The following STK31 variants were observed in gnomAD, a reference collection of about 807,000 sequenced individuals.
STK31 encodes the protein serine/threonine-protein kinase 31.
In STK31, 89 loss-of-function variants were observed where a neutral mutation model predicts 129.7. The observed-to-expected ratio is 0.69, with a 90% CI of 0.58 to 0.82. The LOEUF is 0.82. STK31 is among the 40% of genes least tolerant of loss of function. The probability of loss-of-function intolerance (pLI) is 0.00; values close to 1 mark genes in which losing one functional copy is unlikely to be tolerated. For missense variants in STK31, 1,187 were observed against 1,176.4 expected (o/e 1.01, Z -0.13); for synonymous variants, 448 against 395.3 (o/e 1.13, Z -1.58).
chr7:23,779,275 G>A (rs113086752), intron 15 of STK31, among the ~76,000 whole-genome samples: 17 of 152,250 alleles, frequency 1.1e-4, no homozygotes, highest in African/African-American at 2.6e-4. Context: ...GGTGTCTGTC[G>A]TCCCCTGCTG....
At chr7:23,718,938 T>G (rs1786517502) in intron 4 of STK31, among the ~76,000 whole-genome samples, 1 of 152,110 alleles carries the variant, frequency 6.6e-6, no homozygotes, top group Admixed American at 6.5e-5. Flanking sequence ...GCAAAAGTGT[T>G]GAACCAATTT....
chr7:23,715,266 T>C (rs1786233884), intron 3 of STK31, among the ~76,000 whole-genome samples: 1 of 152,012 alleles, frequency 6.6e-6, no homozygotes, highest in Non-Finnish European at 1.5e-5. Flanking sequence ...ACACTTCAGA[T>C]TGGATGAGTG....
At chr7:23,729,392 A>G (rs1225703352) in intron 6 of STK31, 143 bp downstream of exon 6, 1 of 714,744 alleles carries the variant, frequency 1.4e-6, no homozygotes, top group Admixed American at 3.6e-5. Context: ...GAAAGCAATT[A>G]TATATTTATG....
intron 7 of STK31, among the ~76,000 whole-genome samples, chr7:23,736,637 T>C (rs1787736097): frequency 6.6e-6 from 1 of 152,150 alleles, no homozygotes; most frequent in Admixed American, 6.6e-5. Context: ...AAATGCTTTT[T>C]ACTTTGTTCT....
At chr7:23,819,411 A>G (rs1202613919) in intron 23 of STK31, among the ~76,000 whole-genome samples, 2 of 110,756 alleles carry the variant, frequency 1.8e-5, no homozygotes, top group African/African-American at 3.5e-5. Flanking sequence ...TAAACAGATG[A>G]TTTCTTTCCT....
At chr7:23,814,342 T>C (rs1431962607) in intron 22 of STK31, among the ~76,000 whole-genome samples, 5 of 151,980 alleles carry the variant, frequency 3.3e-5, no homozygotes, top group African/African-American at 4.8e-5. Context: ...CCAAAAGCCC[T>C]TTTGCTCATT....
chr7:23,717,097 CTTTTTTTTTTTTTTTT>C (rs70956911), intron 3 of STK31, among the ~76,000 whole-genome samples: 4 of 42,936 alleles, frequency 9.3e-5, no homozygotes, highest in African/African-American at 3.1e-4. Context: ...TCGCAACCTG[CTTTTTTTTTTTTTTTT>C]TTTTTTTTTT....
intron 22 of STK31, among the ~76,000 whole-genome samples, chr7:23,814,182 A>G (rs1793332011): frequency 1.2e-5 from 1 of 82,674 alleles, no homozygotes; most frequent in Non-Finnish European, 2.2e-5. Context: ...GAGGGTTATA[A>G]GACAACCTGT....
At chr7:23,787,573 A>C (rs987650904) in intron 20 of STK31, among the ~76,000 whole-genome samples, 3 of 152,016 alleles carry the variant, frequency 2.0e-5, no homozygotes, top group African/African-American at 7.3e-5. Context: ...TAGGAGCATA[A>C]ACTCTATTGT....
chr7:23,742,466 C>A (rs1258729749), intron 8 of STK31, among the ~76,000 whole-genome samples: 1 of 152,188 alleles, frequency 6.6e-6, no homozygotes, highest in African/African-American at 2.4e-5. Flanking sequence ...ACTTGGGTGC[C>A]TGTGGGATTC....
rs778657388 is a variant in STK31 at position 23,832,497 on chromosome 7, T to C, written c.*131T>C. The C allele has an allele frequency of 1.0e-5, 7 of 687,128 alleles. No individual in the cohort carries two copies. The highest frequency in any genetic ancestry group is 1.7e-5 in the Non-Finnish European group (7 of 408,802). 42.6% of individuals were successfully genotyped at this position (687,128 alleles called of 1,614,324 possible). On this transcript the variant is annotated 3_prime_UTR_variant, in exon 24 of 24. Transcript: ENST00000355870. ...ATTCAGGTTGTGAAAAATAAAGATGTTTGGCTATGCACAAAATAGTTTGTA... is the reference window on the plus strand; with the variant it reads ...ATTCAGGTTGTGAAAAATAAAGATGCTTGGCTATGCACAAAATAGTTTGTA...
intron 8 of STK31, among the ~76,000 whole-genome samples, chr7:23,744,847 T>G (rs919570181): frequency 4.6e-5 from 7 of 152,064 alleles, no homozygotes; most frequent in African/African-American, 1.7e-4. Context: ...CCAGGCCAAG[T>G]ATGCTTGTCC....
At chr7:23,779,919 C>G (rs1399171593) in intron 15 of STK31, among the ~76,000 whole-genome samples, 1 of 152,140 alleles carries the variant, frequency 6.6e-6, no homozygotes, top group Non-Finnish European at 1.5e-5. Context: ...CGGTGTCTGC[C>G]CAAACGTCTG....
In STK31 at chr7:23,754,494, C is replaced by T. The variant is rs766873686; in HGVS notation, c.1293+20C>T. The T allele has an allele frequency of 1.3e-6, 2 of 1,598,682 alleles. No individual in the cohort carries two copies. Among genetic ancestry groups the T allele is most frequent in the South Asian group, 1.1e-5 (1 of 87,426 alleles). ...TATGTGGTGAGTTGGGAATTTTTCT[C>T]TATTGTGGTTTTTATCTGTTGAACA... is the stretch of plus-strand genomic sequence containing the variant. On this transcript the variant is annotated intron_variant, in intron 10 of 23. Transcript: ENST00000355870.
chr7:23,771,185 A>G (rs528531772), intron 14 of STK31, 61 bp downstream of exon 14: 1 of 1,449,426 alleles, frequency 6.9e-7, no homozygotes, highest in African/African-American at 1.5e-5. Context: ...TTCAGTACTT[A>G]AATTTTTCTA....
In STK31 at chr7:23,737,038, C is replaced by T. The variant is rs749898573; in HGVS notation, c.977C>T (p.Ala326Val). The T allele has an allele frequency of 8.1e-6, 13 of 1,610,724 alleles. No individual in the cohort carries two copies. The highest frequency in any genetic ancestry group is 5.3e-5 in the African/African-American group (4 of 74,832). Residue 326 changes from alanine to valine, a missense_variant, in exon 8 of 24, where the codon GCG (alanine) becomes GTG (valine). Transcript: ENST00000355870. ...GACGCTCTTCTTGAAAGTTATAAGG[C>T]GTTAGAATTGAAAGTAGAGCAGATT... ...EKDALLESYK[A>V]LELKVEQIAQ...
At chr7:23,761,579 C>T (rs1379758948) in intron 10 of STK31, among the ~76,000 whole-genome samples, 1 of 151,918 alleles carries the variant, frequency 6.6e-6, no homozygotes, top group Non-Finnish European at 1.5e-5. Context: ...TGCCACTCTG[C>T]CCAGCTAATT....
intron 15 of STK31, among the ~76,000 whole-genome samples, chr7:23,773,056 T>C (rs1343887405): frequency 1.3e-5 from 2 of 152,162 alleles, no homozygotes; most frequent in African/African-American, 4.8e-5. Flanking sequence ...AATCTGACTT[T>C]TGTTATACTT....
intron 22 of STK31, among the ~76,000 whole-genome samples, chr7:23,800,371 C>T (rs1220631054): frequency 6.6e-6 from 1 of 152,098 alleles, no homozygotes; most frequent in Non-Finnish European, 1.5e-5. Flanking sequence ...GAAAATGTGG[C>T]ACATATACAC....
Sources: gnomAD v4.1 joint callset for allele counts (sites outside exome capture counted in the v4.1 genomes callset) on GRCh38, gnomAD v4.1.1 for gene constraint, MANE v1.5 for transcripts, NCBI Gene and HGNC (gene_info 2026-07-23, HGNC 2026-07-21) for gene names.